Variants in AKAP6 observed in about 807,000 individuals in gnomAD.
The protein encoded by AKAP6 is A-kinase anchor protein 6.
In AKAP6, 58 loss-of-function variants were observed where a neutral mutation model predicts 188.5. The ratio of observed to expected loss-of-function variants is 0.31; its 90% CI spans 0.25 to 0.38. AKAP6 has a LOEUF of 0.38. Ranked by LOEUF, AKAP6 falls within the 10% of genes least tolerant of loss-of-function variation. The probability of loss-of-function intolerance (pLI) is 1.00; values close to 1 mark genes in which losing one functional copy is unlikely to be tolerated. For synonymous variants in AKAP6, 989 were observed against 998.6 expected (o/e 0.99, Z 0.18); for missense variants, 2,710 against 2,740.0 (o/e 0.99, Z 0.24).
At chr14:32,738,235 A>T (rs1194414792) in intron 11 of AKAP6, among the ~76,000 whole-genome samples, 1 of 152,006 alleles carries the variant, frequency 6.6e-6, no homozygotes, top group African/African-American at 2.4e-5. Flanking sequence ...TTTAATGATG[A>T]CCCTTCAGAG....
In AKAP6 at chr14:32,732,599, G is replaced by T; in HGVS notation, c.3146G>T (p.Gly1049Val). 3 of 1,613,198 alleles carry T rather than the reference G, an allele frequency of 1.9e-6. No homozygotes were observed. Among genetic ancestry groups the T allele is most frequent in the Non-Finnish European group, 2.5e-6 (3 of 1,179,626 alleles). The change falls in exon 10 of 14, where the codon GGG (glycine) becomes GTG (valine). Residue 1049 changes from glycine (G) to valine (V), a missense_variant and splice_region_variant. By Grantham distance (109) the Gly-to-Val change is moderately radical. Coordinates refer to ENST00000280979, the MANE Select transcript of AKAP6 (RefSeq NM_004274.5). ...DSINEKWELL[G>V]KTLGEKIQDT... is the part of the protein sequence containing the mutation. ...ATTAATGAAAAATGGGAACTGCTTG[G>T]GGTATTTGCATTTTTATTACTGTTT...
At chr14:32,767,656 T>C (rs2032759491) in intron 11 of AKAP6, among the ~76,000 whole-genome samples, 1 of 152,176 alleles carries the variant, frequency 6.6e-6, no homozygotes, top group Admixed American at 6.5e-5. Flanking sequence ...TCTTGGCCTT[T>C]TTAAATGTGT....
chr14:32,760,397 GAA>G (rs1165644000), intron 11 of AKAP6, among the ~76,000 whole-genome samples: 1 of 152,222 alleles, frequency 6.6e-6, no homozygotes, highest in African/African-American at 2.4e-5. Context: ...GCATTTTAGA[GAA>G]AGAGTATGGA....
chr14:32,438,623 T>C (rs745925639), intron 2 of AKAP6: 1 of 152,194 alleles, frequency 6.6e-6, no homozygotes, highest in Non-Finnish European at 1.5e-5. Context: ...TGAGTACTTT[T>C]TTGCATCATT....
At chr14:32,682,733 C>T (rs1249376626) in intron 8 of AKAP6, among the ~76,000 whole-genome samples, 1 of 152,162 alleles carries the variant, frequency 6.6e-6, no homozygotes, top group Admixed American at 6.5e-5. Context: ...CTGCCCGACC[C>T]TACTGAAAAT....
intron 11 of AKAP6, among the ~76,000 whole-genome samples, chr14:32,770,112 G>C (rs988656452): frequency 5.9e-5 from 9 of 152,056 alleles, no homozygotes; most frequent in African/African-American, 2.2e-4. Context: ...ATAAAACCCA[G>C]ATAAACCAAA....
chr14:32,661,564 T>C (rs1410094778), intron 7 of AKAP6, among the ~76,000 whole-genome samples: 1 of 152,082 alleles, frequency 6.6e-6, no homozygotes, highest in Admixed American at 6.6e-5. Flanking sequence ...TTGCAGAAAG[T>C]GACCCAAGTA....
At chr14:32,786,798 T>C (rs1187001479) in intron 12 of AKAP6, among the ~76,000 whole-genome samples, 1 of 152,202 alleles carries the variant, frequency 6.6e-6, no homozygotes, top group East Asian at 1.9e-4. Flanking sequence ...TAAACAGAAA[T>C]AATGTGGATT....
chr14:32,572,974 G>A (rs1314325817), intron 4 of AKAP6, among the ~76,000 whole-genome samples: 1 of 152,110 alleles, frequency 6.6e-6, no homozygotes, highest in Non-Finnish European at 1.5e-5. Flanking sequence ...AGGGTCTACA[G>A]ACTCTCAAAG....
At chr14:32,508,826 AC>A (rs1284244936) in intron 2 of AKAP6, among the ~76,000 whole-genome samples, 1 of 149,432 alleles carries the variant, frequency 6.7e-6, no homozygotes, top group African/African-American at 2.5e-5. Context: ...TTTATTGAGT[AC>A]CTACTTTTTT....
chr14:32,787,930 C>A (rs1315180697), intron 12 of AKAP6, among the ~76,000 whole-genome samples: 1 of 150,746 alleles, frequency 6.6e-6, no homozygotes, highest in East Asian at 2.0e-4. Context: ...CATTCCAAAT[C>A]CTTGGGAGGC....
intron 5 of AKAP6, among the ~76,000 whole-genome samples, chr14:32,593,028 A>ACACACACT (rs1440410307): frequency 1.3e-5 from 2 of 149,112 alleles, no homozygotes; most frequent in Non-Finnish European, 3.0e-5. Flanking sequence ...ACACACACAC[A>ACACACACT]CACACACACA....
chr14:32,370,614 T>G (rs1422268329), intron 1 of AKAP6, among the ~76,000 whole-genome samples: 2 of 152,188 alleles, frequency 1.3e-5, no homozygotes, highest in Non-Finnish European at 2.9e-5. Flanking sequence ...GCTGTATTAG[T>G]GCTGGTGAAA....
At chr14:32,674,053 GA>G in intron 7 of AKAP6, among the ~76,000 whole-genome samples, 1 of 152,334 alleles carries the variant, frequency 6.6e-6, no homozygotes, top group South Asian at 2.1e-4. Flanking sequence ...CATATCAGCT[GA>G]GAGCTGGAAA....
At chr14:32,580,523 AT>A (rs958475131) in intron 5 of AKAP6, among the ~76,000 whole-genome samples, 11 of 152,016 alleles carry the variant, frequency 7.2e-5, no homozygotes, top group East Asian at 1.9e-4. Context: ...TAAATTGCAC[AT>A]TTTTTTCCCT....
intron 2 of AKAP6, among the ~76,000 whole-genome samples, chr14:32,534,208 G>A (rs952324822): frequency 6.6e-5 from 10 of 152,026 alleles, no homozygotes; most frequent in South Asian, 6.2e-4. Context: ...TAGAATGACC[G>A]TTTTGACACT....
chr14:32,714,705 T>C lies in AKAP6; in HGVS notation c.3001-17749T>C, dbSNP rs368848391. Among the ~76,000 whole-genome samples, 38 of 152,068 alleles carry C rather than the reference T, an allele frequency of 2.5e-4. 2 individuals are homozygous for C. In the South Asian group the frequency reaches 7.3e-3, roughly 29 times the overall value. On this transcript the variant is annotated intron_variant, in intron 9 of 13. Transcript: ENST00000280979. ...TTCTTCTTTAGGCAGAATTACCAAA[T>C]GCCCCTCAGTTTTTTTCACAGCATG...
intron 5 of AKAP6, among the ~76,000 whole-genome samples, chr14:32,597,235 C>T (rs12887176): frequency 0.11 from 16,863 of 152,162 alleles, 1,182 homozygotes; most frequent in Admixed American, 0.2. Context: ...TGCTCTGAGA[C>T]ATAGACATCA....
At position 32,834,832 on chromosome 14, in the gene AKAP6, A is replaced by G. The variant is rs1329136543; in HGVS notation, c.*5027A>G. 1 of 152,204 alleles carries G rather than the reference A, an allele frequency of 6.6e-6. No individual in the cohort carries two copies. Among genetic ancestry groups the G allele is most frequent in the Admixed American group, 6.5e-5 (1 of 15,280 alleles). 9.4% of individuals were successfully genotyped at this position (152,204 alleles called of 1,614,324 possible). A position where few individuals can be genotyped will look rare whatever the true frequency, so the allele number is the denominator to read the frequency against. On this transcript the variant is annotated 3_prime_UTR_variant, in exon 14 of 14. Coordinates refer to ENST00000280979, the MANE Select transcript of AKAP6 (RefSeq NM_004274.5). ...AGCTTACTCTTTCAGCCCATGCTTCATCCATCTAAGGCAAGGGTCAGCAAA... is the reference window on the plus strand; with the variant it reads ...AGCTTACTCTTTCAGCCCATGCTTCGTCCATCTAAGGCAAGGGTCAGCAAA...
Sources: allele counts gnomAD v4.1 joint callset (sites outside exome capture counted in the v4.1 genomes callset), GRCh38; gene constraint gnomAD v4.1.1; transcripts MANE v1.5; gene names NCBI Gene and HGNC (gene_info 2026-07-23, HGNC 2026-07-21).